The following FAM111B variants were observed in gnomAD, a reference collection of about 807,000 sequenced individuals.
FAM111B encodes the protein FAM111 trypsin like peptidase B, also known as serine protease FAM111B.
In FAM111B, 1 loss-of-function variant was observed where a neutral mutation model predicts 2.8. The observed-to-expected ratio is 0.36, with a 90% CI of 0.13 to 1.70. The LOEUF (loss-of-function observed/expected upper bound fraction) is 1.70, where lower values mean the gene tolerates loss of function less well. Among genes scored for constraint, FAM111B ranks in the 40% most tolerant of loss-of-function variants. The probability of loss-of-function intolerance (pLI) is 0.35; values close to 1 mark genes in which losing one functional copy is unlikely to be tolerated. For missense variants in FAM111B, 882 were observed against 878.9 expected (o/e 1.00, Z -0.04); for synonymous variants, 297 against 295.6 (o/e 1.00, Z -0.05).
chr11:59,119,981 T>C (rs776200233), intron 3 of FAM111B, among the ~76,000 whole-genome samples: 7 of 152,182 alleles, frequency 4.6e-5, no homozygotes, highest in Non-Finnish European at 8.8e-5. Context: ...AGTAGCATAT[T>C]GGCTAGGGTT....
At position 59,110,374 on chromosome 11, in the gene FAM111B, G is replaced by A. The variant is rs185056306; in HGVS notation, c.81+668G>A. ...TAAAATTGTCAAACTCATAGGTGTCGAAGTGGTTGTTGGGCTGGGAATAGA... is the reference window on the plus strand; with the variant it reads ...TAAAATTGTCAAACTCATAGGTGTCAAAGTGGTTGTTGGGCTGGGAATAGA... On this transcript the variant is annotated intron_variant, in intron 3 of 3. Transcript: ENST00000343597. Among the ~76,000 whole-genome samples the A allele has an allele frequency of 9.1e-4, 139 of 152,266 alleles. 2 individuals carry two copies. Among genetic ancestry groups the A allele is most frequent in the African/African-American group, 3.2e-3 (132 of 41,576 alleles).
At chr11:59,118,431 T>C (rs1859872207) in intron 3 of FAM111B, among the ~76,000 whole-genome samples, 1 of 152,246 alleles carries the variant, frequency 6.6e-6, no homozygotes, top group Non-Finnish European at 1.5e-5. Flanking sequence ...TTTAATTTCC[T>C]ACAATATATT....
At chr11:59,116,775 G>A (rs910612423) in intron 3 of FAM111B, among the ~76,000 whole-genome samples, 1 of 152,210 alleles carries the variant, frequency 6.6e-6, no homozygotes, top group Non-Finnish European at 1.5e-5. Context: ...CTCTGGGTTA[G>A]GGCTCAGCAA....
chr11:59,112,970 C>T (rs1335056513), intron 3 of FAM111B, among the ~76,000 whole-genome samples: 2 of 151,954 alleles, frequency 1.3e-5, no homozygotes, highest in African/African-American at 4.8e-5. Context: ...CCTTTTATTC[C>T]TGTTTCGGGA....
rs1191492452 is a variant in FAM111B, at chr11:59,126,232, C to A, written c.2135C>A (p.Thr712Asn). Residue 712 changes from threonine to asparagine, a missense_variant, in exon 4 of 4, where the codon ACC becomes AAC. Physicochemically the swap from Thr to Asn is moderately conservative, Grantham distance 65. Coordinates refer to ENST00000343597, the MANE Select transcript of FAM111B (RefSeq NM_198947.4). ...YKSLNDEKLE[T>N]YDEEKGKQES... Reference sequence around the variant, plus strand: ...TCATTAAATGATGAGAAACTTGAGACCTACGATGAAGAGAAAGGTAAACAA... The same window carrying A: ...TCATTAAATGATGAGAAACTTGAGAACTACGATGAAGAGAAAGGTAAACAA... 1.9e-6 allele frequency: 3 copies of A among 1,600,216 alleles called. No homozygotes were observed. In the South Asian group the frequency reaches 3.4e-5, roughly 18 times the overall value.
At position 59,115,537 on chromosome 11, in the gene FAM111B, T is replaced by C. The variant is rs376829664; in HGVS notation, c.81+5831T>C. Among the ~76,000 whole-genome samples the C allele has an allele frequency of 8.8e-4, 134 of 152,308 alleles. 2 individuals are homozygous for C. In the South Asian group the frequency reaches 0.027, roughly 30 times the overall value. The stretch of plus-strand genomic sequence containing the variant: ...ACAAGGCTTTATTAGGGGCTTATTC[T>C]TGAATACAAGGGAGACAGCACTGGA... On this transcript the variant is annotated intron_variant, in intron 3 of 3. Coordinates refer to ENST00000343597, the MANE Select transcript of FAM111B (RefSeq NM_198947.4).
chr11:59,119,169 G>A (rs1449654239), intron 3 of FAM111B, among the ~76,000 whole-genome samples: 1 of 152,186 alleles, frequency 6.6e-6, no homozygotes, highest in Non-Finnish European at 1.5e-5. Context: ...TCACATGCAT[G>A]TGCGGATCAC....
intron 3 of FAM111B, among the ~76,000 whole-genome samples, chr11:59,119,893 A>C (rs960582483): frequency 6.6e-6 from 1 of 152,222 alleles, no homozygotes; most frequent in Non-Finnish European, 1.5e-5. Flanking sequence ...AAGCATATTC[A>C]TGAAATATCC....
In FAM111B at chr11:59,125,903, T is replaced by A; in HGVS notation, c.1806T>A (p.Tyr602Ter). Reference protein sequence around the residue: ...VIPLNERLKKYPNDCQDGLVD... With the variant: ...VIPLNERLKK The stretch of plus-strand genomic sequence containing the variant: ...CTCTAAACGAACGATTGAAAAAATA[T>A]CCAAACGATTGTCAAGATGGGTTGG... The change falls in exon 4 of 4, where the codon TAT (tyrosine) becomes TAA (stop). Residue 602 changes from tyrosine (Y) to a stop codon, truncating the protein, a stop_gained. Transcript: ENST00000343597. LOFTEE classifies it low-confidence loss of function (END_TRUNC). The A allele has an allele frequency of 2.5e-6, 4 of 1,613,882 alleles. No homozygotes were observed. The highest frequency in any genetic ancestry group is 3.4e-6 in the Non-Finnish European group (4 of 1,179,848).
At chr11:59,121,363 A>G (rs960496115) in intron 3 of FAM111B, among the ~76,000 whole-genome samples, 7 of 152,196 alleles carry the variant, frequency 4.6e-5, no homozygotes, top group African/African-American at 1.4e-4. Context: ...TTTCATTAGT[A>G]ATTAGGAAAC....
chr11:59,115,518 C>T (rs1261219806), intron 3 of FAM111B, among the ~76,000 whole-genome samples: 2 of 152,192 alleles, frequency 1.3e-5, no homozygotes, highest in African/African-American at 4.8e-5. Context: ...CCAGACAAGG[C>T]TTTATTAGGG....
chr11:59,117,637 C>G (rs1859858120), intron 3 of FAM111B, among the ~76,000 whole-genome samples: 1 of 152,168 alleles, frequency 6.6e-6, no homozygotes, highest in African/African-American at 2.4e-5. Context: ...TCCCTCTGGA[C>G]CCTACCACCT....
chr11:59,110,716 A>C (rs185859429), intron 3 of FAM111B, among the ~76,000 whole-genome samples: 130 of 152,306 alleles, frequency 8.5e-4, no homozygotes, highest in African/African-American at 2.9e-3. Flanking sequence ...ATTTTTTAAA[A>C]AGAATGAATA....
rs778440651 is a variant in FAM111B at position 59,125,479 on chromosome 11, T to C, written c.1382T>C (p.Val461Ala). The C allele has an allele frequency of 7.4e-6, 12 of 1,613,976 alleles. No individual in the cohort carries two copies. Among genetic ancestry groups the C allele is most frequent in the Non-Finnish European group, 1.0e-5 (12 of 1,179,846 alleles). ...CAGCTTACATATTATAGCAAGTCAG[T>C]TGGGTTCATGCAATGGGACAATAAT... Reference protein sequence around the residue: ...CEQLTYYSKSVGFMQWDNNGN... With the variant: ...CEQLTYYSKSAGFMQWDNNGN... Residue 461 changes from valine to alanine, a missense_variant, in exon 4 of 4, where the codon GTT (valine) becomes GCT (alanine). Transcript: ENST00000343597.
intron 3 of FAM111B, among the ~76,000 whole-genome samples, chr11:59,122,008 TG>T (rs1411237882): frequency 6.6e-6 from 1 of 152,178 alleles, no homozygotes; most frequent in African/African-American, 2.4e-5. Context: ...CTGGGCATGG[TG>T]GCATGCACCT....
rs1213084586 is a variant in FAM111B, at chr11:59,126,004, C to CA, written c.1908dup (p.His637ThrfsTer4). ...AGTTTCCTATCAGAGGTTTGGAACACACACACGCTTAGTTATGATACTTGT... is the reference window on the plus strand; with the variant it reads ...AGTTTCCTATCAGAGGTTTGGAACACAACACACGCTTAGTTATGATACTTGT... On this transcript the variant is annotated frameshift_variant, in exon 4 of 4. Coordinates refer to ENST00000343597, the MANE Select transcript of FAM111B (RefSeq NM_198947.4). LOFTEE classifies it low-confidence loss of function (END_TRUNC). 1 of 1,613,930 alleles carries CA rather than the reference C, an allele frequency of 6.2e-7. No homozygotes were observed.
chr11:59,118,818 T>C (rs1253759647), intron 3 of FAM111B, among the ~76,000 whole-genome samples: 1 of 152,222 alleles, frequency 6.6e-6, no homozygotes, highest in Non-Finnish European at 1.5e-5. Context: ...TCTGTGTATA[T>C]ATAGAAATTT....
chr11:59,121,082 AAAAC>A (rs970092825), intron 3 of FAM111B, among the ~76,000 whole-genome samples: 15 of 152,096 alleles, frequency 9.9e-5, no homozygotes, highest in Non-Finnish European at 1.8e-4. Context: ...AAAAAAAAAA[AAAAC>A]AATTATCCTG....
Position 59,126,023 on chromosome 11 carries a change from T to G in FAM111B, c.1926T>G (p.Asp642Glu). Residue 642 changes from aspartate (D) to glutamate (E), a missense_variant, in exon 4 of 4, where the codon GAT becomes GAG. Coordinates refer to ENST00000343597, the MANE Select transcript of FAM111B (RefSeq NM_198947.4). ...EVWNTHTLSY[D>E]TCFSDGSSGS... ...GGAACACACACACGCTTAGTTATGA[T>G]ACTTGTTTCTCTGATGGGTCCTCAG... 5 of 1,613,952 alleles carry G rather than the reference T, an allele frequency of 3.1e-6. No individual in the cohort carries two copies. The highest frequency in any genetic ancestry group is 4.2e-6 in the Non-Finnish European group (5 of 1,179,856).
Sources: gnomAD v4.1 joint callset for allele counts (sites outside exome capture counted in the v4.1 genomes callset) on GRCh38, gnomAD v4.1.1 for gene constraint, MANE v1.5 for transcripts, NCBI Gene and HGNC (gene_info 2026-07-23, HGNC 2026-07-21) for gene names.